PIK3CD: variants seen among roughly 807,000 people sequenced by gnomAD.
PIK3CD encodes the protein phosphatidylinositol-4,5-bisphosphate 3-kinase catalytic subunit delta, also known as phosphatidylinositol 4,5-bisphosphate 3-kinase catalytic subunit delta isoform.
PIK3CD carries 20 observed loss-of-function variants against 122.9 expected under a neutral mutation model. That is an observed-to-expected ratio of 0.16 (90% CI 0.11 to 0.24). PIK3CD has a LOEUF of 0.24. Among genes scored for constraint, PIK3CD ranks in the 10% least tolerant of loss-of-function variants. The probability of loss-of-function intolerance (pLI) is 1.00; values close to 1 mark genes in which losing one functional copy is unlikely to be tolerated. For synonymous variants in PIK3CD, 596 were observed against 593.4 expected (o/e 1.00, Z -0.06); for missense variants, 787 against 1,406.3 (o/e 0.56, Z 7.04).
At chr1:9,680,997 A>G (rs1450023024) in intron 1 of PIK3CD, 1 of 152,164 alleles carries the variant, frequency 6.6e-6, no homozygotes, top group Non-Finnish European at 1.5e-5. Flanking sequence ...TACCTGCCAC[A>G]GCGTGGTTGG....
intron 1 of PIK3CD, among the ~76,000 whole-genome samples, chr1:9,655,491 G>T (rs1364181105): frequency 1.3e-5 from 1 of 79,018 alleles, no homozygotes; most frequent in Non-Finnish European, 2.0e-5. Context: ...GACTTGCTGT[G>T]GGTCCTACCA....
In PIK3CD at chr1:9,717,546, G is replaced by T. The variant is rs770390674; in HGVS notation, c.940G>T (p.Val314Leu). Residue 314 changes from valine (V) to leucine (L), a missense_variant, in exon 8 of 24, where the codon GTG (valine) becomes TTG (leucine). Coordinates refer to ENST00000377346, the MANE Select transcript of PIK3CD (RefSeq NM_005026.5). This position sits in a 1 kb window ranked among gnomAD's most constrained non-coding sequence, Gnocchi z 5.4. ...CTTCCCCGGCCCCCAGCCTTCCTCT[G>T]TGTCCCTGTGGTCCCTGGAGCAGCC... is the stretch of plus-strand genomic sequence containing the variant. ...PPIPAKKPSS[V>L]SLWSLEQPFR... is the part of the protein sequence containing the mutation. 6 of 1,614,066 alleles carry T rather than the reference G, an allele frequency of 3.7e-6. No individual in the cohort carries two copies. The highest frequency in any genetic ancestry group is 2.5e-6 in the Non-Finnish European group (3 of 1,180,024).
At chr1:9,631,351 A>G in the PIK3CD span, among the ~76,000 whole-genome samples, 14 of 152,192 alleles carry the variant, frequency 9.2e-5, no homozygotes, top group African/African-American at 2.9e-4. Context: ...ATGACAAAGG[A>G]TTACCAAAAG....
chr1:9,717,426 CA>C lies in PIK3CD; in HGVS notation c.931-108del. 9.0e-7 allele frequency: 1 copy of C among 1,111,572 alleles called. No individual in the cohort carries two copies. The highest frequency in any genetic ancestry group is 1.4e-6 in the Non-Finnish European group (1 of 731,702). 68.9% of individuals were successfully genotyped at this position (1,111,572 alleles called of 1,614,324 possible). ...TTGTGGACAGGCCCAAACCTGGCCG[CA>C]AACCTGTGACCCTCTCACCCGCCCC... On this transcript the variant is annotated intron_variant, in intron 7 of 23. Transcript: ENST00000377346. The surrounding 1 kb of genome is among the most constrained non-coding windows in gnomAD (Gnocchi z 5.4).
intron 1 of PIK3CD, among the ~76,000 whole-genome samples, chr1:9,688,701 A>T (rs184578136): frequency 5.2e-4 from 79 of 152,272 alleles, no homozygotes; most frequent in Admixed American, 1.1e-3. Flanking sequence ...GGTGGTGCGC[A>T]CTTGAGGTCT....
At position 9,720,699 on chromosome 1, in the gene PIK3CD, C is replaced by A. The variant is rs1208659802; in HGVS notation, c.1521+38C>A. Reference sequence around the variant, plus strand: ...GGGGTGTGGGGTGGGGGGCATGGAGCCGGCGTGGAACCAGAGCCCTCACTC... The same window carrying A: ...GGGGTGTGGGGTGGGGGGCATGGAGACGGCGTGGAACCAGAGCCCTCACTC... On this transcript the variant is annotated intron_variant, in intron 12 of 23. Transcript: ENST00000377346. This position sits in a 1 kb window ranked among gnomAD's most constrained non-coding sequence, Gnocchi z 9.0. 6.3e-7 allele frequency: 1 copy of A among 1,576,286 alleles called. No homozygotes were observed. The highest frequency in any genetic ancestry group is 8.6e-7 in the Non-Finnish European group (1 of 1,163,766).
chr1:9,636,157 GTATGTCA>G, the PIK3CD span, among the ~76,000 whole-genome samples: 4 of 152,118 alleles, frequency 2.6e-5, no homozygotes, highest in African/African-American at 9.7e-5. Context: ...GCCCATGTGT[GTATGTCA>G]CACACAGTTG....
chr1:9,721,931 G>C (rs1178516554), intron 16 of PIK3CD, 44 bp from the exon 17 acceptor site: 2 of 1,612,822 alleles, frequency 1.2e-6, no homozygotes, highest in African/African-American at 1.3e-5. Flanking sequence ...GGGCTGGGTC[G>C]AGGCTGGGAC....
At chr1:9,696,008 G>A (rs1215986949) in intron 2 of PIK3CD, among the ~76,000 whole-genome samples, 1 of 146,312 alleles carries the variant, frequency 6.8e-6, no homozygotes, top group Non-Finnish European at 1.5e-5. Flanking sequence ...GTGTTTCTCT[G>A]TTACCCAGAT....
intron 23 of PIK3CD, among the ~76,000 whole-genome samples, chr1:9,726,707 C>T (rs1416775015): frequency 1.3e-5 from 2 of 152,060 alleles, no homozygotes; most frequent in Non-Finnish European, 2.9e-5. Flanking sequence ...GGCGAGGTCA[C>T]TTGGGAACTG....
At chr1:9,654,757 G>T (rs1442027254) in intron 1 of PIK3CD, among the ~76,000 whole-genome samples, 1 of 152,138 alleles carries the variant, frequency 6.6e-6, no homozygotes, top group African/African-American at 2.4e-5. Context: ...CTTAACGTGG[G>T]ACCTTCAGAA....
At chr1:9,659,823 T>C (rs1018445526) in intron 1 of PIK3CD, among the ~76,000 whole-genome samples, 1 of 152,142 alleles carries the variant, frequency 6.6e-6, no homozygotes, top group South Asian at 2.1e-4. Flanking sequence ...GATCTCAGCC[T>C]CACTGCAACC....
In PIK3CD at chr1:9,710,807, C is replaced by T. The variant is rs11121480; in HGVS notation, c.141+211C>T. ...GTTTGTTTGTTTGTTTGTTTTGAGA[C>T]GGAGTTTCGCTCTTATTGCCCAGGC... On this transcript the variant is annotated intron_variant, in intron 3 of 23. Transcript: ENST00000377346. The surrounding 1 kb of genome is among the most constrained non-coding windows in gnomAD (Gnocchi z 4.7). Among the ~76,000 whole-genome samples, 30,182 of 152,026 alleles carry T rather than the reference C, an allele frequency of 0.2. 4,022 individuals are homozygous for T. Among genetic ancestry groups the T allele is most frequent in the South Asian group, 0.41 (1,969 of 4,826 alleles).
At chr1:9,687,862 C>T (rs1646031755) in intron 1 of PIK3CD, among the ~76,000 whole-genome samples, 1 of 152,094 alleles carries the variant, frequency 6.6e-6, no homozygotes, top group Non-Finnish European at 1.5e-5. Context: ...GTGTCCCCTC[C>T]CACCCTGGCC....
At chr1:9,637,855 G>C in the PIK3CD span, among the ~76,000 whole-genome samples, 1 of 152,260 alleles carries the variant, frequency 6.6e-6, no homozygotes, top group Admixed American at 6.5e-5. Flanking sequence ...ATGGCTCCCA[G>C]CACTTTGGGA....
At chr1:9,665,516 T>C (rs1645133579) in intron 1 of PIK3CD, among the ~76,000 whole-genome samples, 1 of 151,792 alleles carries the variant, frequency 6.6e-6, no homozygotes, top group Non-Finnish European at 1.5e-5. Context: ...AATTCGCTCA[T>C]GCCAGTACAT....
At chr1:9,673,358 C>G (rs772208278) in intron 1 of PIK3CD, among the ~76,000 whole-genome samples, 33 of 152,252 alleles carry the variant, frequency 2.2e-4, no homozygotes, top group Non-Finnish European at 4.3e-4. Flanking sequence ...CTCTCTGGTT[C>G]AAGCAAACCT....
intron 2 of PIK3CD, among the ~76,000 whole-genome samples, chr1:9,702,181 G>C (rs908645675): frequency 2.0e-5 from 3 of 151,902 alleles, no homozygotes; most frequent in Non-Finnish European, 4.4e-5. Context: ...TTTTAGTAGA[G>C]ACGGGGTTTC....
chr1:9,693,307 C>G (rs577807168), intron 2 of PIK3CD, among the ~76,000 whole-genome samples: 1 of 152,296 alleles, frequency 6.6e-6, no homozygotes, highest in East Asian at 1.9e-4. Flanking sequence ...TCACTGCCAC[C>G]TCCGCCTCCC....
Sources: gnomAD v4.1 joint callset for allele counts (sites outside exome capture counted in the v4.1 genomes callset) on GRCh38, gnomAD v4.1.1 for gene constraint, Gnocchi (gnomAD v3.1) non-coding constraint, MANE v1.5 for transcripts, NCBI Gene and HGNC (gene_info 2026-07-23, HGNC 2026-07-21) for gene names.